OTUD7A: variants seen among roughly 807,000 people sequenced by gnomAD.
The protein encoded by OTUD7A is OTU deubiquitinase 7A.
Under a neutral mutation model 65.7 loss-of-function variants are expected in OTUD7A, and 12 were observed. That is an observed-to-expected ratio of 0.18 (90% CI 0.12 to 0.30). OTUD7A has a LOEUF of 0.30. Among genes scored for constraint, OTUD7A ranks in the 10% least tolerant of loss-of-function variants. The pLI, the probability that OTUD7A is intolerant of heterozygous loss-of-function variation, is 1.00. For synonymous variants in OTUD7A, 641 were observed against 586.3 expected, an observed-to-expected ratio of 1.09 and a Z score of -1.35; for missense variants, 1,148 against 1,304.8, an observed-to-expected ratio of 0.88 and a Z score of 1.85.
chr15:31,708,876 G>A (rs62002674), intron 1 of OTUD7A, among the ~76,000 whole-genome samples: 1 of 151,374 alleles, frequency 6.6e-6, no homozygotes, highest in African/African-American at 2.4e-5. Context: ...AGCTGGGGAA[G>A]GAGGCAGTGA....
intron 1 of OTUD7A, among the ~76,000 whole-genome samples, chr15:31,730,875 C>T (rs1460774952): frequency 6.6e-6 from 1 of 152,174 alleles, no homozygotes; most frequent in Non-Finnish European, 1.5e-5. Flanking sequence ...GGATGGAGGA[C>T]CATTGATAGT....
intron 3 of OTUD7A, among the ~76,000 whole-genome samples, chr15:31,584,635 G>A (rs573099059): frequency 9.2e-5 from 14 of 152,290 alleles, no homozygotes; most frequent in African/African-American, 1.7e-4. Context: ...CCAAAGAATC[G>A]CAAGATTGTT....
intron 3 of OTUD7A, among the ~76,000 whole-genome samples, chr15:31,619,173 T>C (rs1481595782): frequency 6.6e-6 from 1 of 152,260 alleles, no homozygotes; most frequent in Non-Finnish European, 1.5e-5. Context: ...TTTTGGTTAC[T>C]GCAACCTTGT....
At chr15:31,606,198 T>G (rs1325214407) in intron 3 of OTUD7A, among the ~76,000 whole-genome samples, 2 of 152,222 alleles carry the variant, frequency 1.3e-5, no homozygotes, top group Non-Finnish European at 2.9e-5. Flanking sequence ...AAACAACTCT[T>G]GCTAGATATG....
At chr15:31,798,818 G>T (rs1350307325) in intron 1 of OTUD7A, among the ~76,000 whole-genome samples, 1 of 152,226 alleles carries the variant, frequency 6.6e-6, no homozygotes, top group Non-Finnish European at 1.5e-5. Context: ...GCTTGGGGGG[G>T]GGCTCCTGTC....
At chr15:31,601,739 A>C (rs956502126) in intron 3 of OTUD7A, among the ~76,000 whole-genome samples, 1 of 152,138 alleles carries the variant, frequency 6.6e-6, no homozygotes, top group Non-Finnish European at 1.5e-5. Context: ...AAGAGAGAAG[A>C]CTCAAATACA....
chr15:31,646,060 A>G (rs1891652294), intron 3 of OTUD7A, among the ~76,000 whole-genome samples: 1 of 152,186 alleles, frequency 6.6e-6, no homozygotes, highest in Non-Finnish European at 1.5e-5. Context: ...CGCACAGCCA[A>G]TTTTTTATCT....
At chr15:31,635,340 G>C (rs142550202) in intron 3 of OTUD7A, among the ~76,000 whole-genome samples, 1 of 152,316 alleles carries the variant, frequency 6.6e-6, no homozygotes, top group African/African-American at 2.4e-5. Flanking sequence ...TTACAGATGA[G>C]AAAACAGAGC....
At chr15:31,726,650 T>C (rs970861780) in intron 1 of OTUD7A, among the ~76,000 whole-genome samples, 9 of 152,230 alleles carry the variant, frequency 5.9e-5, no homozygotes, top group Non-Finnish European at 1.0e-4. Flanking sequence ...TTAAGAAATA[T>C]GCCCTTGAGA....
chr15:31,569,328 C>A (rs1056818997), intron 4 of OTUD7A, among the ~76,000 whole-genome samples: 1 of 152,224 alleles, frequency 6.6e-6, no homozygotes, highest in East Asian at 1.9e-4. Flanking sequence ...ATGAATACAG[C>A]AGTGATCTAA....
intron 1 of OTUD7A, among the ~76,000 whole-genome samples, chr15:31,773,691 G>C (rs1379377640): frequency 6.6e-6 from 1 of 152,152 alleles, no homozygotes; most frequent in African/African-American, 2.4e-5. Context: ...GTTAATCTTT[G>C]TGTTTCAGTT....
intron 1 of OTUD7A, among the ~76,000 whole-genome samples, chr15:31,843,531 C>T (rs1264986089): frequency 2.0e-5 from 3 of 152,178 alleles, no homozygotes; most frequent in Non-Finnish European, 4.4e-5. Flanking sequence ...CAGCAGCCTT[C>T]TAGGCCCTGG....
chr15:31,816,461 C>G (rs1436184332), intron 1 of OTUD7A, among the ~76,000 whole-genome samples: 1 of 151,944 alleles, frequency 6.6e-6, no homozygotes, highest in African/African-American at 2.4e-5. Flanking sequence ...GAGGCTGAGG[C>G]GGGCAGATCA....
chr15:31,581,236 C>T (rs1368150008), intron 3 of OTUD7A, among the ~76,000 whole-genome samples: 1 of 152,238 alleles, frequency 6.6e-6, no homozygotes, highest in Non-Finnish European at 1.5e-5. Flanking sequence ...TGGGCAGCTC[C>T]ACCCTGTGGC....
At chr15:31,667,523 T>A (rs1217774754) in intron 1 of OTUD7A, among the ~76,000 whole-genome samples, 4 of 152,194 alleles carry the variant, frequency 2.6e-5, no homozygotes, top group Non-Finnish European at 4.4e-5. Flanking sequence ...TGAGTCCTTA[T>A]GTGTTAGGTG....
intron 3 of OTUD7A, among the ~76,000 whole-genome samples, chr15:31,615,577 A>C (rs758920045): frequency 6.6e-6 from 1 of 152,246 alleles, no homozygotes; most frequent in Non-Finnish European, 1.5e-5. Flanking sequence ...GATTTAAATC[A>C]CATGAAAAAT....
At chr15:31,616,515 A>G (rs1374519439) in intron 3 of OTUD7A, among the ~76,000 whole-genome samples, 1 of 152,180 alleles carries the variant, frequency 6.6e-6, no homozygotes, top group Non-Finnish European at 1.5e-5. Context: ...TTTTTGTACA[A>G]TGCATAAACT....
chr15:31,794,709 G>A (rs889981499), intron 1 of OTUD7A, among the ~76,000 whole-genome samples: 2 of 151,062 alleles, frequency 1.3e-5, no homozygotes, highest in African/African-American at 2.4e-5. Context: ...CATCCACCTC[G>A]CCCCCCAGCC....
intron 5 of OTUD7A, among the ~76,000 whole-genome samples, chr15:31,548,497 G>A (rs1396048249): frequency 6.6e-6 from 1 of 152,092 alleles, no homozygotes; most frequent in African/African-American, 2.4e-5. Flanking sequence ...GAGGTCTCGT[G>A]GCATGGGCAG....
Sources: allele counts gnomAD v4.1 joint callset (sites outside exome capture counted in the v4.1 genomes callset), GRCh38; gene constraint gnomAD v4.1.1; transcripts MANE v1.5; gene names NCBI Gene and HGNC (gene_info 2026-07-23, HGNC 2026-07-21).